The following CNTLN variants were observed in gnomAD, a reference collection of about 807,000 sequenced individuals.
The protein encoded by CNTLN is centlein, also known as centlein, centrosomal protein.
A neutral mutation model predicts 180.0 loss-of-function variants in CNTLN; 212 were observed. That is an observed-to-expected ratio of 1.18 (90% CI 1.05 to 1.32). The LOEUF (loss-of-function observed/expected upper bound fraction) is 1.32. Among genes scored for constraint, CNTLN ranks in the 40% most tolerant of loss-of-function variants. The pLI, the probability that CNTLN is intolerant of heterozygous loss-of-function variation, is 0.00. For synonymous variants in CNTLN, 722 were observed against 563.1 expected, an observed-to-expected ratio of 1.28 and a Z score of -3.99; for missense variants, 2,095 against 1,610.9, an observed-to-expected ratio of 1.30 and a Z score of -5.14.
At chr9:17,430,544 G>T (rs1179992282) in intron 18 of CNTLN, among the ~76,000 whole-genome samples, 1 of 151,806 alleles carries the variant, frequency 6.6e-6, no homozygotes, top group East Asian at 1.9e-4. Context: ...TTATTTCTTT[G>T]TGTTGAGAAC....
intron 7 of CNTLN, chr9:17,299,916 C>G (rs961782446): frequency 2.3e-6 from 1 of 438,188 alleles, no homozygotes; most frequent in Non-Finnish European, 3.0e-6. Context: ...TTTAGCTGTC[C>G]CTTTTTAATT....
At chr9:17,467,570 T>C (rs1831822638) in intron 23 of CNTLN, among the ~76,000 whole-genome samples, 1 of 151,656 alleles carries the variant, frequency 6.6e-6, no homozygotes, top group Non-Finnish European at 1.5e-5. Context: ...AAACATTTTA[T>C]CTCCTTTATC....
intron 7 of CNTLN, among the ~76,000 whole-genome samples, chr9:17,303,019 A>G (rs556016286): frequency 2.0e-5 from 3 of 152,308 alleles, no homozygotes; most frequent in African/African-American, 7.2e-5. Flanking sequence ...CACTGGCGAT[A>G]GGGCTTTTGC....
intron 7 of CNTLN, among the ~76,000 whole-genome samples, chr9:17,305,581 AG>A (rs553402710): frequency 4.3e-4 from 66 of 151,876 alleles, no homozygotes; most frequent in African/African-American, 1.2e-3. Context: ...GAATCTACCC[AG>A]GGCACTGGAA....
intron 7 of CNTLN, among the ~76,000 whole-genome samples, chr9:17,308,322 G>C (rs1194298145): frequency 1.3e-5 from 2 of 152,016 alleles, no homozygotes; most frequent in South Asian, 4.1e-4. Context: ...TTTTTTCACA[G>C]TTTAAGGTTT....
chr9:17,517,023 T>C, the CNTLN span, among the ~76,000 whole-genome samples: 2 of 149,666 alleles, frequency 1.3e-5, no homozygotes, highest in Non-Finnish European at 2.9e-5. Context: ...AGTAATGGGA[T>C]CAAAAGGTAT....
chr9:17,473,527 C>T (rs1832148160), intron 23 of CNTLN, among the ~76,000 whole-genome samples: 1 of 151,022 alleles, frequency 6.6e-6, no homozygotes. Context: ...TTCAACCCTA[C>T]ACTTTGTATC....
intron 5 of CNTLN, among the ~76,000 whole-genome samples, chr9:17,253,946 G>A (rs964624256): frequency 6.6e-6 from 1 of 151,434 alleles, no homozygotes; most frequent in Non-Finnish European, 1.5e-5. Flanking sequence ...TTGGAGGCAT[G>A]TTCTTTGTTT....
rs185604556 is a variant in CNTLN at position 17,192,321 on chromosome 9, C to G, written c.450-33882C>G. On this transcript the variant is annotated intron_variant, in intron 2 of 25. Transcript: ENST00000380647. Reference sequence around the variant, plus strand: ...TGGCGCCATCTCGGCTCACTGCAAACTCTGCCTCCCGGGTTCAAGCGATTC... The same window carrying G: ...TGGCGCCATCTCGGCTCACTGCAAAGTCTGCCTCCCGGGTTCAAGCGATTC... Among the ~76,000 whole-genome samples, 161 of 148,902 alleles carry G rather than the reference C, an allele frequency of 1.1e-3. 2 individuals are homozygous for G. Among genetic ancestry groups the G allele is most frequent in the African/African-American group, 3.8e-3 (154 of 40,328 alleles).
intron 14 of CNTLN, among the ~76,000 whole-genome samples, chr9:17,393,199 G>A (rs1478479893): frequency 6.6e-6 from 1 of 151,976 alleles, no homozygotes; most frequent in Non-Finnish European, 1.5e-5. Flanking sequence ...TCCCATTCAT[G>A]AGGGCCCCAC....
intron 10 of CNTLN, among the ~76,000 whole-genome samples, chr9:17,338,331 A>ATT (rs1238106698): frequency 0.019 from 524 of 27,190 alleles, 8 homozygotes; most frequent in African/African-American, 0.044. Context: ...CTCCTGGCTA[A>ATT]TTTTTGTTTT....
At chr9:17,434,872 C>T (rs1446370113) in intron 18 of CNTLN, among the ~76,000 whole-genome samples, 3 of 151,612 alleles carry the variant, frequency 2.0e-5, no homozygotes, top group Non-Finnish European at 4.4e-5. Flanking sequence ...ACAATTGTGC[C>T]ACTTTTCTTT....
chr9:17,498,548 A>G (rs1342567354), intron 25 of CNTLN, among the ~76,000 whole-genome samples: 2 of 152,322 alleles, frequency 1.3e-5, no homozygotes, highest in African/African-American at 2.4e-5. Context: ...AAGACTACCT[A>G]TAGACCGAGG....
At chr9:17,390,287 T>A in intron 14 of CNTLN, among the ~76,000 whole-genome samples, 1 of 124,136 alleles carries the variant, frequency 8.1e-6, no homozygotes, top group East Asian at 2.7e-4. Context: ...TCACCCAGGC[T>A]GGAGTACAGT....
downstream of CNTLN, among the ~76,000 whole-genome samples, chr9:17,506,139 A>T: frequency 6.6e-6 from 1 of 152,088 alleles, no homozygotes. Flanking sequence ...CATAAATTAC[A>T]TCAAAATGGG....
chr9:17,358,247 T>C (rs996863014), intron 12 of CNTLN, among the ~76,000 whole-genome samples: 2 of 152,010 alleles, frequency 1.3e-5, no homozygotes, highest in African/African-American at 4.8e-5. Flanking sequence ...TACAAATACA[T>C]TGTGATACAT....
At chr9:17,306,146 A>ATTTTTTTTTTTTTT (rs572150057) in intron 7 of CNTLN, among the ~76,000 whole-genome samples, 12 of 127,988 alleles carry the variant, frequency 9.4e-5, no homozygotes, top group Non-Finnish European at 1.7e-4. Context: ...TTAGTCGTCT[A>ATTTTTTTTTTTTTT]TTTTTTTTTT....
chr9:17,221,322 G>A (rs1158575005), intron 2 of CNTLN, among the ~76,000 whole-genome samples: 1 of 151,832 alleles, frequency 6.6e-6, no homozygotes, highest in Non-Finnish European at 1.5e-5. Flanking sequence ...CAGATATATC[G>A]ATAGGCAACG....
chr9:17,355,659 C>G (rs1197799769), intron 12 of CNTLN, among the ~76,000 whole-genome samples: 1 of 152,080 alleles, frequency 6.6e-6, no homozygotes, highest in Non-Finnish European at 1.5e-5. Context: ...GGTTGATACT[C>G]AGTTATCCCA....
Sources: allele counts gnomAD v4.1 joint callset (sites outside exome capture counted in the v4.1 genomes callset), GRCh38; gene constraint gnomAD v4.1.1; transcripts MANE v1.5; gene names NCBI Gene and HGNC (gene_info 2026-07-23, HGNC 2026-07-21).